The following DDX6 variants were observed in gnomAD, a reference collection of about 807,000 sequenced individuals.
DDX6 encodes the protein DEAD-box helicase 6, also known as probable ATP-dependent RNA helicase DDX6.
DDX6 carries 7 observed loss-of-function variants against 60.6 expected under a neutral mutation model. That is an observed-to-expected ratio of 0.12 (90% confidence interval 0.07 to 0.22). DDX6 has a LOEUF of 0.22. DDX6 is among the 10% of genes least tolerant of loss of function. The pLI, the probability that DDX6 is intolerant of heterozygous loss-of-function variation, is 1.00. For missense variants in DDX6, 270 were observed against 589.9 expected (o/e 0.46, Z 5.62); for synonymous variants, 207 against 201.0 (o/e 1.03, Z -0.25).
chr11:118,780,912 A>G (rs1014601087), intron 3 of DDX6, among the ~76,000 whole-genome samples: 10 of 152,252 alleles, frequency 6.6e-5, no homozygotes, highest in African/African-American at 2.2e-4. Flanking sequence ...GTTGAAAACA[A>G]TAGGCTAAGA....
intron 3 of DDX6, among the ~76,000 whole-genome samples, chr11:118,780,462 G>C (rs1269430082): frequency 6.6e-6 from 1 of 151,988 alleles, no homozygotes. Flanking sequence ...GATTACAGGC[G>C]CACGCCACCA....
At chr11:118,788,200 G>A (rs1332246704) in intron 1 of DDX6, 1 of 152,012 alleles carries the variant, frequency 6.6e-6, no homozygotes, top group East Asian at 1.9e-4. Flanking sequence ...CTACTTAGGA[G>A]GCTGAGGCAG....
intron 13 of DDX6, among the ~76,000 whole-genome samples, chr11:118,752,561 T>TC (rs1555157691): frequency 6.6e-6 from 1 of 151,898 alleles, no homozygotes; most frequent in African/African-American, 2.4e-5. Context: ...TCACCTGAGG[T>TC]CAGGAGTTTG....
chr11:118,759,839 C>A, intron 8 of DDX6, 83 bp downstream of exon 8: 1 of 1,403,868 alleles, frequency 7.1e-7, no homozygotes, highest in Non-Finnish European at 9.6e-7. Context: ...AGTATATTCA[C>A]AGATATGAAG....
At chr11:118,782,215 A>C (rs116946912) in intron 2 of DDX6, among the ~76,000 whole-genome samples, 1 of 152,338 alleles carries the variant, frequency 6.6e-6, no homozygotes, top group East Asian at 1.9e-4. Flanking sequence ...CAGTTACATC[A>C]AACAATTGAT....
chr11:118,754,682 T>C, intron 13 of DDX6, 23 bp downstream of exon 13: 1 of 1,572,188 alleles, frequency 6.4e-7, no homozygotes, highest in Non-Finnish European at 8.6e-7. Context: ...AGGTTCCTCT[T>C]AGCTGTTCTG....
At position 118,760,223 on chromosome 11, in the gene DDX6, C is replaced by T. The variant is rs181966900; in HGVS notation, c.742-179G>A. 2.2e-3 allele frequency among the ~76,000 whole-genome samples: 328 copies of T among 152,244 alleles called. 4 individuals are homozygous for T. The highest frequency in any genetic ancestry group is 0.02 in the Admixed American group (311 of 15,286). On this transcript the variant is annotated intron_variant, in intron 7 of 13. Transcript: ENST00000534980. ...TCAAATATGCAGAAGGGGGCAAAATCTATAATCCCCATCTTCTAGGGGAAA... is the reference window on the plus strand; with the variant it reads ...TCAAATATGCAGAAGGGGGCAAAATTTATAATCCCCATCTTCTAGGGGAAA...
chr11:118,760,161 G>T, intron 7 of DDX6, 117 bp from the exon 8 acceptor site: 2 of 980,636 alleles, frequency 2.0e-6, no homozygotes, highest in Non-Finnish European at 2.9e-6. Flanking sequence ...AATGTTCCTG[G>T]TGGAAAACAA....
chr11:118,754,504 T>C lies in DDX6; in HGVS notation c.*7+201A>G, dbSNP rs1591881883. On this transcript the variant is annotated intron_variant, in intron 13 of 13. Coordinates refer to ENST00000534980, the MANE Select transcript of DDX6 (RefSeq NM_004397.6). ...TAATCTACCACATTACCCGGGAAGC[T>C]GCATTCAAGAACAACATTTACAGAT... The C allele has an allele frequency of 8.5e-6, 4 of 470,872 alleles. No homozygotes were observed. The South Asian group carries it at 1.6e-4, about 19-fold the overall frequency. The allele number at this position is 470,872 out of a possible 1,614,324, so 29.2% of individuals were successfully genotyped here.
rs1555159185 is a variant in DDX6, at chr11:118,757,297, G to GA, written c.994-11dup. 2.1e-6 allele frequency: 3 copies of GA among 1,441,844 alleles called. No individual in the cohort carries two copies. The highest frequency in any genetic ancestry group is 2.7e-5 in the Admixed American group (1 of 37,580). 89.3% of individuals were successfully genotyped at this position (1,441,844 alleles called of 1,614,324 possible). A position where few individuals can be genotyped will look rare whatever the true frequency, so the allele number is the denominator to read the frequency against. On this transcript the variant is annotated splice_polypyrimidine_tract_variant and intron_variant, in intron 9 of 13. Coordinates refer to ENST00000534980, the MANE Select transcript of DDX6 (RefSeq NM_004397.6). The stretch of plus-strand genomic sequence containing the variant: ...ACTGGTTTATCTGAAGCTGAGCACA[G>GA]AAAAAAATAAGTATGAGAAAAATAA...
At chr11:118,777,812 C>A (rs951253719) in intron 4 of DDX6, among the ~76,000 whole-genome samples, 1 of 148,840 alleles carries the variant, frequency 6.7e-6, no homozygotes, top group African/African-American at 2.5e-5. Context: ...CTGCTTGAAC[C>A]CAGGATGGGA....
chr11:118,754,419 A>C (rs782800724), intron 13 of DDX6, among the ~76,000 whole-genome samples: 7 of 152,212 alleles, frequency 4.6e-5, no homozygotes, highest in Admixed American at 6.5e-5. Flanking sequence ...AGAAAAACAA[A>C]TTGCTGAAAA....
chr11:118,749,358 G>GAAAAAAAAAAAAAAAAAA lies in DDX6; in HGVS notation c.*2729_*2746dup, dbSNP rs386375042. On this transcript the variant is annotated 3_prime_UTR_variant, in exon 14 of 14. Transcript: ENST00000534980. ...TTATTATGAGGGCCCAAAAAAGAAAGAAAAAAAAAAAAAAAAAAAAAAAGA... is the reference window on the plus strand; with the variant it reads ...TTATTATGAGGGCCCAAAAAAGAAAGAAAAAAAAAAAAAAAAAAAAAAAAAAAAAAAAAAAAAAAAAGA... The GAAAAAAAAAAAAAAAAAA allele has an allele frequency of 3.3e-5, 3 of 91,796 alleles. No homozygotes were observed. The highest frequency in any genetic ancestry group is 6.0e-5 in the Non-Finnish European group (3 of 49,838). The allele number at this position is 91,796 out of a possible 1,614,324, so 5.7% of individuals were successfully genotyped here.
At position 118,786,349 on chromosome 11, in the gene DDX6, TA is replaced by T; in HGVS notation, c.-99del. Reference sequence around the variant, plus strand: ...TATTAGGCTCTCCAAAATGAAGAGATAAATATAAGTCTTGCTCAATAAATGA... The same window carrying T: ...TATTAGGCTCTCCAAAATGAAGAGATAATATAAGTCTTGCTCAATAAATGA... On this transcript the variant is annotated 5_prime_UTR_variant, in exon 2 of 14. Transcript: ENST00000534980. The T allele has an allele frequency of 9.5e-7, 1 of 1,048,600 alleles. No homozygotes were observed. The highest frequency in any genetic ancestry group is 1.4e-6 in the Non-Finnish European group (1 of 731,110). The allele number at this position is 1,048,600 out of a possible 1,614,324, so 65.0% of individuals were successfully genotyped here.
intron 1 of DDX6, chr11:118,789,180 A>AT (rs1337196816): frequency 6.8e-6 from 1 of 147,328 alleles, no homozygotes; most frequent in African/African-American, 2.5e-5. Context: ...GGTTCAAGCG[A>AT]TTCCCCTGTC....
At chr11:118,772,553 C>T (rs1195062646) in intron 4 of DDX6, among the ~76,000 whole-genome samples, 1 of 152,012 alleles carries the variant, frequency 6.6e-6, no homozygotes, top group Admixed American at 6.6e-5. Context: ...TCAAAATGTT[C>T]TAAAATTTAT....
At chr11:118,789,693 T>C (rs1463581492) in intron 1 of DDX6, 1 of 152,192 alleles carries the variant, frequency 6.6e-6, no homozygotes, top group Non-Finnish European at 1.5e-5. Flanking sequence ...ACTTAGCTGT[T>C]TGCAGAGCAC....
chr11:118,760,671 AT>A (rs1228060912), intron 7 of DDX6, among the ~76,000 whole-genome samples: 3 of 151,894 alleles, frequency 2.0e-5, no homozygotes, highest in Non-Finnish European at 4.4e-5. Context: ...AAATACAAAA[AT>A]TAGCTGGACG....
rs485901 is a variant in DDX6 at position 118,751,536 on chromosome 11, G to A, written c.*569C>T. On this transcript the variant is annotated 3_prime_UTR_variant, in exon 14 of 14. Transcript: ENST00000534980. Reference sequence around the variant, plus strand: ...AGACTTCAACCTGAAACCAAAATAAGAAGACATTTTTTAAAAGAAAAAGAA... The same window carrying A: ...AGACTTCAACCTGAAACCAAAATAAAAAGACATTTTTTAAAAGAAAAAGAA... 132,132 of 152,974 alleles carry A rather than the reference G, an allele frequency of 0.86. 57,248 individuals are homozygous for A. The highest frequency in any genetic ancestry group is 1 in the East Asian group (5,182 of 5,186). The allele number at this position is 152,974 out of a possible 1,614,324, so 9.5% of individuals were successfully genotyped here. A position where few individuals can be genotyped will look rare whatever the true frequency, so the allele number is the denominator to read the frequency against.
Sources: gnomAD v4.1 joint callset for allele counts (sites outside exome capture counted in the v4.1 genomes callset) on GRCh38, gnomAD v4.1.1 for gene constraint, MANE v1.5 for transcripts, NCBI Gene and HGNC (gene_info 2026-07-23, HGNC 2026-07-21) for gene names.